The following RSPO2 variants were observed in gnomAD, a reference collection of about 807,000 sequenced individuals.
The protein encoded by RSPO2 is R-spondin 2.
RSPO2 carries 14 observed loss-of-function variants against 30.9 expected under a neutral mutation model. That is an observed-to-expected ratio of 0.45 (90% CI 0.30 to 0.71). The LOEUF is 0.71. Ranked by LOEUF, RSPO2 falls within the 30% of genes least tolerant of loss-of-function variation. The pLI is 0.08. For missense variants in RSPO2, 264 were observed against 301.9 expected (o/e 0.87, Z 0.93); for synonymous variants, 107 against 96.4 (o/e 1.11, Z -0.64).
chr8:108,032,800 T>C (rs1811463504), intron 2 of RSPO2, among the ~76,000 whole-genome samples: 2 of 151,792 alleles, frequency 1.3e-5, no homozygotes, highest in Admixed American at 6.6e-5. Flanking sequence ...CTAGCTAATT[T>C]TAAAAATTTT....
intron 2 of RSPO2, among the ~76,000 whole-genome samples, chr8:108,015,714 C>T (rs1342645610): frequency 6.6e-5 from 10 of 151,920 alleles, no homozygotes; most frequent in Non-Finnish European, 1.5e-5. Flanking sequence ...ATCCAAACAC[C>T]GCCCCACCAG....
At chr8:108,047,871 G>A (rs1360360988) in intron 2 of RSPO2, among the ~76,000 whole-genome samples, 1 of 147,078 alleles carries the variant, frequency 6.8e-6, no homozygotes, top group African/African-American at 2.5e-5. Context: ...AAAAAAAAAA[G>A]CAGCAGCAGC....
intron 2 of RSPO2, among the ~76,000 whole-genome samples, chr8:107,996,065 CA>C (rs990502050): frequency 6.6e-6 from 1 of 151,752 alleles, no homozygotes; most frequent in Non-Finnish European, 1.5e-5. Flanking sequence ...GAGTGAGGTT[CA>C]AAAAAATTAG....
chr8:108,049,780 C>T (rs1284064429), intron 2 of RSPO2, among the ~76,000 whole-genome samples: 1 of 152,156 alleles, frequency 6.6e-6, no homozygotes, highest in African/African-American at 2.4e-5. Context: ...ATATGTGCCA[C>T]ATTTTCTTTA....
chr8:108,072,492 A>ATTT (rs71308776), intron 2 of RSPO2, among the ~76,000 whole-genome samples: 8,640 of 122,416 alleles, frequency 0.071, 770 homozygotes, highest in African/African-American at 0.21. Context: ...AGCCCGGCTA[A>ATTT]TTTTTTTTTT....
intron 2 of RSPO2, among the ~76,000 whole-genome samples, chr8:108,055,274 G>C (rs2130687931): frequency 6.6e-6 from 1 of 152,308 alleles, no homozygotes; most frequent in African/African-American, 2.4e-5. Context: ...AGGAAGTCAA[G>C]AGTGTATGAG....
At chr8:108,016,932 A>G (rs1295136169) in intron 2 of RSPO2, among the ~76,000 whole-genome samples, 1 of 152,148 alleles carries the variant, frequency 6.6e-6, no homozygotes, top group Admixed American at 6.5e-5. Flanking sequence ...CATGCTTCCC[A>G]TAAATCCTAC....
chr8:107,899,458 A>ACACTT lies in RSPO2; in HGVS notation c.*1612_*1616dup, dbSNP rs540027967. On this transcript the variant is annotated 3_prime_UTR_variant, in exon 6 of 6. Transcript: ENST00000276659. ...GTGTAAATAGACATGAAAGGAGGTA[A>ACACTT]CACTTCAGGATTAAATGTAAACCCT... The ACACTT allele has an allele frequency of 1.2e-4, 18 of 152,756 alleles. No individual in the cohort carries two copies. The East Asian group carries it at 2.9e-3, about 25-fold the overall frequency. The allele number at this position is 152,756 out of a possible 1,614,324, so 9.5% of individuals were successfully genotyped here. A position where few individuals can be genotyped will look rare whatever the true frequency, so the allele number is the denominator to read the frequency against.
chr8:107,944,250 A>G (rs1225179705), intron 5 of RSPO2, among the ~76,000 whole-genome samples: 1 of 152,214 alleles, frequency 6.6e-6, no homozygotes, highest in Non-Finnish European at 1.5e-5. Context: ...TTCTCGTAGG[A>G]CTAAGGAAAG....
Position 107,901,879 on chromosome 8 carries a change from ATTTCTCTTC to A in RSPO2, c.617-698_617-690del, listed in dbSNP as rs559605403. ...TAACTACCAGACGATCATACCAAGT[ATTTCTCTTC>A]TTTGCCTTAGCCACTAGGAAGCCCA... On this transcript the variant is annotated intron_variant, in intron 5 of 5. Coordinates refer to ENST00000276659, the MANE Select transcript of RSPO2 (RefSeq NM_178565.5). Among the ~76,000 whole-genome samples, 43 of 152,310 alleles carry A rather than the reference ATTTCTCTTC, an allele frequency of 2.8e-4. No individual in the cohort carries two copies. The South Asian group carries it at 8.5e-3, about 30-fold the overall frequency.
At chr8:107,955,743 T>C (rs886840376) in intron 5 of RSPO2, among the ~76,000 whole-genome samples, 2 of 152,216 alleles carry the variant, frequency 1.3e-5, no homozygotes, top group African/African-American at 4.8e-5. Context: ...CTCTAACTTA[T>C]GCCTTTCAGT....
At chr8:108,028,018 C>G (rs1302628308) in intron 2 of RSPO2, among the ~76,000 whole-genome samples, 1 of 152,168 alleles carries the variant, frequency 6.6e-6, no homozygotes, top group Non-Finnish European at 1.5e-5. Flanking sequence ...AGCCATTCTA[C>G]ATATTCTACC....
chr8:108,080,436 T>G (rs1813157885), intron 2 of RSPO2, among the ~76,000 whole-genome samples: 1 of 152,182 alleles, frequency 6.6e-6, no homozygotes, highest in Admixed American at 6.5e-5. Flanking sequence ...TTGGCATAAG[T>G]TACTATTGCA....
rs534953348 is a variant in RSPO2 at position 107,954,764 on chromosome 8, C to A, written c.616+3316G>T. Among the ~76,000 whole-genome samples the A allele has an allele frequency of 3.3e-5, 5 of 152,230 alleles. No homozygotes were observed. In the East Asian group the frequency reaches 9.7e-4, roughly 30 times the overall value. ...TAGCTGGGACTACAGGCACCCACCA[C>A]CATGCCCAGCTAATTTTTGTATTTT... On this transcript the variant is annotated intron_variant, in intron 5 of 5. Transcript: ENST00000276659.
intron 5 of RSPO2, among the ~76,000 whole-genome samples, chr8:107,910,477 G>A (rs1811787560): frequency 6.6e-6 from 1 of 152,172 alleles, no homozygotes; most frequent in Non-Finnish European, 1.5e-5. Flanking sequence ...AGGCTGCAGT[G>A]AGCTATGATC....
Position 107,977,386 on chromosome 8 carries a change from C to T in RSPO2, c.283+11670G>A, listed in dbSNP as rs147864815. 4.5e-4 allele frequency among the ~76,000 whole-genome samples: 68 copies of T among 152,276 alleles called. 1 individual carries two copies. The East Asian group carries it at 0.012, about 26-fold the overall frequency. On this transcript the variant is annotated intron_variant, in intron 3 of 5. Coordinates refer to ENST00000276659, the MANE Select transcript of RSPO2 (RefSeq NM_178565.5). Reference sequence around the variant, plus strand: ...AGATCTACTGAATCAGAAACTCTGGCGGTGCAATCTTGCAATCTGTGTTTT... The same window carrying T: ...AGATCTACTGAATCAGAAACTCTGGTGGTGCAATCTTGCAATCTGTGTTTT...
At chr8:107,950,752 T>TAAAA (rs10599629) in intron 5 of RSPO2, among the ~76,000 whole-genome samples, 3 of 142,052 alleles carry the variant, frequency 2.1e-5, no homozygotes, top group African/African-American at 7.6e-5. Context: ...TAATTAATGG[T>TAAAA]AAAAAAAAAA....
chr8:107,911,771 T>C (rs1811835531), intron 5 of RSPO2, among the ~76,000 whole-genome samples: 1 of 152,180 alleles, frequency 6.6e-6, no homozygotes, highest in South Asian at 2.1e-4. Context: ...AACCAACATC[T>C]GGCAGATTCT....
At chr8:107,908,330 A>G (rs577421719) in intron 5 of RSPO2, among the ~76,000 whole-genome samples, 2 of 152,220 alleles carry the variant, frequency 1.3e-5, no homozygotes, top group African/African-American at 4.8e-5. Flanking sequence ...AACACAAAAC[A>G]GTTTGAAGAC....
Sources: gnomAD v4.1 joint callset for allele counts (sites outside exome capture counted in the v4.1 genomes callset) on GRCh38, gnomAD v4.1.1 for gene constraint, MANE v1.5 for transcripts, NCBI Gene and HGNC (gene_info 2026-07-23, HGNC 2026-07-21) for gene names.